The following STAB2 variants were observed in gnomAD, a reference collection of about 807,000 sequenced individuals.
STAB2 encodes stabilin 2.
Under a neutral mutation model 338.1 loss-of-function variants are expected in STAB2, and 288 were observed. That is an observed-to-expected ratio of 0.85 (90% CI 0.77 to 0.94). The LOEUF (loss-of-function observed/expected upper bound fraction) is 0.94. Ranked by LOEUF, STAB2 falls within the 40% of genes least tolerant of loss-of-function variation. The pLI is 0.00. For missense variants in STAB2, 3,141 were observed against 3,210.1 expected (o/e 0.98, Z 0.52); for synonymous variants, 1,202 against 1,193.3 (o/e 1.01, Z -0.15).
intron 54 of STAB2, 107 bp downstream of exon 54, chr12:103,739,575 C>T: frequency 1.6e-6 from 1 of 615,562 alleles, no homozygotes. Flanking sequence ...GTGTGTGTGC[C>T]CGTGCACGTA....
chr12:103,681,100 C>T (rs943096971), intron 25 of STAB2, among the ~76,000 whole-genome samples: 16 of 152,218 alleles, frequency 1.1e-4, no homozygotes, highest in South Asian at 2.1e-4. Flanking sequence ...CGTCTGAGGG[C>T]TGCTTTCCTA....
At chr12:103,731,513 T>C in intron 49 of STAB2, 63 bp from the exon 50 acceptor site, 19 of 1,567,956 alleles carry the variant, frequency 1.2e-5, no homozygotes, top group Non-Finnish European at 1.5e-5. Flanking sequence ...ACTTGAGCTC[T>C]TGTTAAATTC....
At chr12:103,705,971 C>T (rs565937007) in intron 37 of STAB2, among the ~76,000 whole-genome samples, 4 of 152,168 alleles carry the variant, frequency 2.6e-5, no homozygotes, top group Admixed American at 1.3e-4. Context: ...ACTGAGAGTC[C>T]GAGAGGCTAA....
chr12:103,726,314 C>A, intron 46 of STAB2, 151 bp downstream of exon 46: 1 of 695,132 alleles, frequency 1.4e-6, no homozygotes, highest in Non-Finnish European at 2.4e-6. Flanking sequence ...CATGGCAAAA[C>A]CCCGTCTCTT....
At chr12:103,713,622 G>A in intron 41 of STAB2, 21 bp from the exon 42 acceptor site, 1 of 1,613,018 alleles carries the variant, frequency 6.2e-7, no homozygotes, top group East Asian at 2.2e-5. Context: ...CTCCCCTTCT[G>A]CTCTGTGTCA....
Position 103,711,511 on chromosome 12 carries a change from C to A in STAB2, c.4329C>A (p.Ser1443Arg), listed in dbSNP as rs748759636. ...EDNCNGTCHT[S>R]ANCLTNSDGT... is the part of the protein sequence containing the mutation. ...ACTGCAATGGGACATGCCATACCAGCGCCAAGTAGGTAGCCCTGGGCCACC... is the reference window on the plus strand; with the variant it reads ...ACTGCAATGGGACATGCCATACCAGAGCCAAGTAGGTAGCCCTGGGCCACC... The change falls in exon 40 of 69, where the codon AGC (serine) becomes AGA (arginine). Residue 1443 changes from serine (S) to arginine (R), a missense_variant. Coordinates refer to ENST00000388887, the MANE Select transcript of STAB2 (RefSeq NM_017564.10). 3 of 1,614,118 alleles carry A rather than the reference C, an allele frequency of 1.9e-6. No homozygotes were observed. The highest frequency in any genetic ancestry group is 1.1e-5 in the South Asian group (1 of 91,080).
At chr12:103,652,445 C>G in intron 11 of STAB2, 111 bp from the exon 12 acceptor site, 1 of 1,036,378 alleles carries the variant, frequency 9.6e-7, no homozygotes, top group Non-Finnish European at 1.3e-6. Flanking sequence ...AGCCCAAACC[C>G]AAGTTAGGGT....
chr12:103,657,226 T>TAAAA (rs140834161), intron 15 of STAB2, among the ~76,000 whole-genome samples: 9 of 116,378 alleles, frequency 7.7e-5, no homozygotes, highest in African/African-American at 2.6e-4. Context: ...TAAAGTGAGC[T>TAAAA]AAAAAAAAAA....
At chr12:103,650,630 T>A (rs757288921) in intron 11 of STAB2, 52 bp downstream of exon 11, 4 of 1,432,934 alleles carry the variant, frequency 2.8e-6, no homozygotes, top group African/African-American at 2.8e-5. Flanking sequence ...AAAGCCTTAG[T>A]AGGGAGTACC....
chr12:103,602,507 G>A (rs1956968387), intron 3 of STAB2, among the ~76,000 whole-genome samples: 1 of 152,200 alleles, frequency 6.6e-6, no homozygotes, highest in South Asian at 2.1e-4. Flanking sequence ...GTCCTGGATT[G>A]TAGAGTAAAA....
At chr12:103,675,484 A>G (rs1876250279) in intron 23 of STAB2, among the ~76,000 whole-genome samples, 1 of 152,240 alleles carries the variant, frequency 6.6e-6, no homozygotes, top group South Asian at 2.1e-4. Flanking sequence ...TCTTTGCTGA[A>G]CCAGAGGTAA....
At chr12:103,677,431 GC>G in intron 24 of STAB2, 21 bp from the exon 25 acceptor site, 1 of 1,594,224 alleles carries the variant, frequency 6.3e-7, no homozygotes, top group Non-Finnish European at 8.6e-7. Context: ...CAGAGGCTTT[GC>G]TTTTTCTTTT....
At chr12:103,668,189 T>C (rs889520841) in intron 19 of STAB2, among the ~76,000 whole-genome samples, 1 of 152,216 alleles carries the variant, frequency 6.6e-6, no homozygotes, top group Non-Finnish European at 1.5e-5. Context: ...TGCATATAAA[T>C]CTGCCCCACT....
Position 103,755,426 on chromosome 12 carries a change from A to G in STAB2, c.6839A>G (p.Asn2280Ser). The change falls in exon 62 of 69, where the codon AAC (asparagine) becomes AGC (serine). Residue 2280 changes from asparagine (N) to serine (S), a missense_variant. Transcript: ENST00000388887. ...ATAGTGGACTATGGACCTAGACCCA[A>G]CAAGAGTGAAATGTGGGATGTCTTC... The part of the protein sequence containing the change: ...VGIVDYGPRP[N>S]KSEMWDVFCY... The G allele has an allele frequency of 6.2e-7, 1 of 1,614,172 alleles. No individual in the cohort carries two copies. The highest frequency in any genetic ancestry group is 2.2e-5 in the East Asian group (1 of 44,876).
At chr12:103,715,135 G>C (rs1049083548) in intron 42 of STAB2, among the ~76,000 whole-genome samples, 1 of 151,996 alleles carries the variant, frequency 6.6e-6, no homozygotes, top group Admixed American at 6.6e-5. Context: ...CCTTTATTTG[G>C]GGTTTGCCTG....
At position 103,688,205 on chromosome 12, in the gene STAB2, G is replaced by A. The variant is rs113677289; in HGVS notation, c.3035G>A (p.Arg1012Gln). Residue 1012 changes from arginine (R) to glutamine (Q), a missense_variant, in exon 28 of 69, where the codon CGA becomes CAA. By Grantham distance (43) the Arg-to-Gln change is conservative. Coordinates refer to ENST00000388887, the MANE Select transcript of STAB2 (RefSeq NM_017564.10). ...CTCTCCGAAGCAGCTATATTTAACC[G>A]ATGGATAAATGTGAGTACCTTTATT... ...SFLSEAAIFN[R>Q]WINNASLQPT... is the part of the protein sequence containing the mutation. 20 of 1,613,508 alleles carry A rather than the reference G, an allele frequency of 1.2e-5. No homozygotes were observed. In the Middle Eastern group the frequency reaches 4.9e-4, roughly 40 times the overall value.
chr12:103,729,829 A>G (rs926889168), intron 48 of STAB2, among the ~76,000 whole-genome samples: 1 of 152,254 alleles, frequency 6.6e-6, no homozygotes. Flanking sequence ...TAGAACAAAT[A>G]TAAAAGAGAA....
chr12:103,763,359 A>G (rs972056412), intron 67 of STAB2, 133 bp from the exon 68 acceptor site: 4 of 683,344 alleles, frequency 5.9e-6, no homozygotes, highest in Non-Finnish European at 1.0e-5. Context: ...TATGTGAATC[A>G]TCTCTCAACA....
chr12:103,662,015 T>C (rs1396037495), intron 17 of STAB2, among the ~76,000 whole-genome samples: 1 of 152,016 alleles, frequency 6.6e-6, no homozygotes, highest in Non-Finnish European at 1.5e-5. Flanking sequence ...CGGGCATACA[T>C]TTTGAGAGGC....
Sources: gnomAD v4.1 joint callset for allele counts (sites outside exome capture counted in the v4.1 genomes callset) on GRCh38, gnomAD v4.1.1 for gene constraint, MANE v1.5 for transcripts, NCBI Gene and HGNC (gene_info 2026-07-23, HGNC 2026-07-21) for gene names.